The following YEATS4 variants were observed in gnomAD, a reference collection of about 807,000 sequenced individuals.
YEATS4 encodes YEATS domain-containing protein 4.
Under a neutral mutation model 30.1 loss-of-function variants are expected in YEATS4, and 17 were observed. The observed-to-expected ratio is 0.56, with a 90% CI of 0.39 to 0.85. YEATS4 has a LOEUF of 0.85. Among genes scored for constraint, YEATS4 ranks in the 40% least tolerant of loss-of-function variants. YEATS4 has a pLI of 0.00. For missense variants in YEATS4, 142 were observed against 268.3 expected (o/e 0.53, Z 3.29); for synonymous variants, 85 against 87.5 (o/e 0.97, Z 0.16).
chr12:69,419,893 A>G, the YEATS4 span, among the ~76,000 whole-genome samples: 5 of 152,206 alleles, frequency 3.3e-5, no homozygotes, highest in Admixed American at 2.6e-4. Flanking sequence ...AAGAAAAAAC[A>G]TGAGGTTTCT....
At chr12:69,365,927 G>A in intron 4 of YEATS4, 43 bp downstream of exon 4, 1 of 1,406,670 alleles carries the variant, frequency 7.1e-7, no homozygotes, top group South Asian at 1.3e-5. Context: ...AGATTTCTTA[G>A]TAAATGTGAA....
chr12:69,380,232 T>G (rs922699736), intron 6 of YEATS4, among the ~76,000 whole-genome samples: 1 of 152,240 alleles, frequency 6.6e-6, no homozygotes, highest in African/African-American at 2.4e-5. Flanking sequence ...TACCTGTCCT[T>G]GGGCAGGCTT....
intron 6 of YEATS4, among the ~76,000 whole-genome samples, chr12:69,371,199 T>A (rs139196681): frequency 1.3e-5 from 2 of 152,370 alleles, no homozygotes; most frequent in East Asian, 3.9e-4. Flanking sequence ...TTACATTCGC[T>A]GAAGTACTGT....
the YEATS4 span, among the ~76,000 whole-genome samples, chr12:69,421,643 A>G: frequency 1.3e-5 from 2 of 152,190 alleles, no homozygotes; most frequent in Non-Finnish European, 2.9e-5. Flanking sequence ...ATGACTTTCA[A>G]GAGGGCACTT....
chr12:69,361,407 C>G (rs1281519581), intron 1 of YEATS4: 1 of 152,296 alleles, frequency 6.6e-6, no homozygotes, highest in Non-Finnish European at 1.5e-5. Flanking sequence ...TCTCCTGCCT[C>G]AGCCTCCTGA....
At chr12:69,395,887 T>C in the YEATS4 span, among the ~76,000 whole-genome samples, 1 of 152,190 alleles carries the variant, frequency 6.6e-6, no homozygotes, top group East Asian at 1.9e-4. Context: ...AATGTAAAAA[T>C]AGGCAGTTAA....
chr12:69,363,563 T>C (rs931452084), intron 2 of YEATS4, among the ~76,000 whole-genome samples: 1 of 152,216 alleles, frequency 6.6e-6, no homozygotes, highest in Admixed American at 6.5e-5. Context: ...CTTAAAGTAA[T>C]AATGTGGTAA....
At chr12:69,372,996 T>A (rs1414142408) in intron 6 of YEATS4, among the ~76,000 whole-genome samples, 1 of 152,214 alleles carries the variant, frequency 6.6e-6, no homozygotes, top group Non-Finnish European at 1.5e-5. Flanking sequence ...AATAGTACTC[T>A]CTTGTGTATA....
the YEATS4 span, among the ~76,000 whole-genome samples, chr12:69,403,609 G>C: frequency 1.9e-4 from 28 of 151,110 alleles, no homozygotes; most frequent in African/African-American, 5.8e-4. Flanking sequence ...AGAGGGGGCA[G>C]AATTTGCAGA....
intron 4 of YEATS4, among the ~76,000 whole-genome samples, chr12:69,368,720 C>T (rs1033474857): frequency 6.6e-6 from 1 of 152,184 alleles, no homozygotes; most frequent in Admixed American, 6.5e-5. Context: ...AGCATCTTTC[C>T]TTGCCTCTTC....
intron 4 of YEATS4, among the ~76,000 whole-genome samples, chr12:69,370,161 A>C (rs1875584321): frequency 6.6e-6 from 1 of 152,142 alleles, no homozygotes; most frequent in Admixed American, 6.5e-5. Flanking sequence ...TTTTCCTTTG[A>C]TGTCTTACTA....
chr12:69,375,424 C>T (rs1472120653), intron 6 of YEATS4, among the ~76,000 whole-genome samples: 3 of 149,312 alleles, frequency 2.0e-5, no homozygotes, highest in Non-Finnish European at 3.0e-5. Flanking sequence ...CCAGACTGGG[C>T]GGCTGGGCAG....
At chr12:69,403,449 C>T in the YEATS4 span, among the ~76,000 whole-genome samples, 3 of 152,054 alleles carry the variant, frequency 2.0e-5, no homozygotes, top group South Asian at 2.1e-4. Flanking sequence ...TGGTATCGCA[C>T]GCCTATAATC....
rs983945664 is a variant in YEATS4 at position 69,390,469 on chromosome 12, A to G, written c.*153A>G. 4.8e-6 allele frequency: 3 copies of G among 627,648 alleles called. No individual in the cohort carries two copies. Among genetic ancestry groups the G allele is most frequent in the African/African-American group, 1.9e-5 (1 of 52,032 alleles). 38.9% of individuals were successfully genotyped at this position (627,648 alleles called of 1,614,324 possible). A position where few individuals can be genotyped will look rare whatever the true frequency, so the allele number is the denominator to read the frequency against. ...TTTCTTAGCAATAGGAATTTGTACT[A>G]TTTAAGCAATCTTTAATGGAAAATA... On this transcript the variant is annotated 3_prime_UTR_variant, in exon 7 of 7. Transcript: ENST00000247843.
At chr12:69,360,124 C>T in intron 1 of YEATS4, 101 bp downstream of exon 1, 1 of 1,364,088 alleles carries the variant, frequency 7.3e-7, no homozygotes, top group Non-Finnish European at 1.0e-6. Context: ...CGCGCCTTTT[C>T]TCCTCGGGTT....
the YEATS4 span, among the ~76,000 whole-genome samples, chr12:69,400,131 A>T: frequency 1.4e-5 from 2 of 144,368 alleles, no homozygotes; most frequent in Non-Finnish European, 3.1e-5. Context: ...TATCTCAATT[A>T]AAAAAAAAAA....
At chr12:69,412,942 G>T in the YEATS4 span, among the ~76,000 whole-genome samples, 1 of 152,078 alleles carries the variant, frequency 6.6e-6, no homozygotes, top group East Asian at 1.9e-4. Flanking sequence ...GCGGTGGAAG[G>T]GGGAGGGAAA....
the YEATS4 span, among the ~76,000 whole-genome samples, chr12:69,408,864 G>A: frequency 2.6e-5 from 4 of 152,062 alleles, no homozygotes; most frequent in Non-Finnish European, 4.4e-5. Context: ...CTTAGAGCTC[G>A]CCCATCAAAA....
At chr12:69,400,819 G>A in the YEATS4 span, 1 of 152,190 alleles carries the variant, frequency 6.6e-6, no homozygotes, top group East Asian at 1.9e-4. Context: ...GCCACAGAGA[G>A]TGAAAGGAAC....
Sources: gnomAD v4.1 joint callset for allele counts (sites outside exome capture counted in the v4.1 genomes callset) on GRCh38, gnomAD v4.1.1 for gene constraint, MANE v1.5 for transcripts, NCBI Gene and HGNC (gene_info 2026-07-23, HGNC 2026-07-21) for gene names.